Variants in SEC61A1 observed in about 807,000 individuals in gnomAD.
The protein encoded by SEC61A1 is protein transport protein Sec61 subunit alpha isoform 1.
In SEC61A1, 15 loss-of-function variants were observed where a neutral mutation model predicts 55.2. The observed-to-expected ratio is 0.27, with a 90% CI of 0.18 to 0.42. The LOEUF (loss-of-function observed/expected upper bound fraction) is 0.42. Among genes scored for constraint, SEC61A1 ranks in the 10% least tolerant of loss-of-function variants. The pLI, the probability that SEC61A1 is intolerant of heterozygous loss-of-function variation, is 1.00. For synonymous variants in SEC61A1, 247 were observed against 234.0 expected (o/e 1.06, Z -0.51); for missense variants, 284 against 602.6 (o/e 0.47, Z 5.53).
chr3:128,061,786 AG>A (rs1350219949), intron 7 of SEC61A1, among the ~76,000 whole-genome samples: 1 of 152,166 alleles, frequency 6.6e-6, no homozygotes, highest in Non-Finnish European at 1.5e-5. Flanking sequence ...GCATTGTAGG[AG>A]TTCAGGTATT....
At chr3:128,062,710 A>G (rs1023934907) in intron 7 of SEC61A1, among the ~76,000 whole-genome samples, 2 of 152,100 alleles carry the variant, frequency 1.3e-5, no homozygotes, top group Non-Finnish European at 2.9e-5. Flanking sequence ...ACGTGTTAGA[A>G]ACTTGGGAAC....
At chr3:128,062,224 G>C (rs529402064) in intron 7 of SEC61A1, among the ~76,000 whole-genome samples, 32 of 152,348 alleles carry the variant, frequency 2.1e-4, no homozygotes, top group African/African-American at 7.5e-4. Flanking sequence ...TTCAGGAAGG[G>C]CTGTGCCCCA....
chr3:128,060,756 AAAT>A, intron 7 of SEC61A1, 95 bp downstream of exon 7: 1 of 1,280,224 alleles, frequency 7.8e-7, no homozygotes, highest in Non-Finnish European at 1.1e-6. Flanking sequence ...TTCCACAGAA[AAAT>A]AATGTCAGTT....
Position 128,067,279 on chromosome 3 carries a change from A to G in SEC61A1, c.975+128A>G. 2 of 1,294,882 alleles carry G rather than the reference A, an allele frequency of 1.5e-6. No individual in the cohort carries two copies. The highest frequency in any genetic ancestry group is 2.3e-4 in the Middle Eastern group (1 of 4,352). The allele number at this position is 1,294,882 out of a possible 1,614,324, so 80.2% of individuals were successfully genotyped here. ...ATTGTGCCTTTTACAAATTCAGCACATTAAATTATCTTTTCAGTAAAAAAA... is the reference window on the plus strand; with the variant it reads ...ATTGTGCCTTTTACAAATTCAGCACGTTAAATTATCTTTTCAGTAAAAAAA... On this transcript the variant is annotated intron_variant, in intron 9 of 11. Transcript: ENST00000243253. The surrounding 1 kb of genome is among the most constrained non-coding windows in gnomAD (Gnocchi z 4.1).
At position 128,067,098 on chromosome 3, in the gene SEC61A1, C is replaced by A. The variant is rs755574380; in HGVS notation, c.922C>A (p.Leu308Ile). 6.2e-7 allele frequency: 1 copy of A among 1,614,216 alleles called. No individual in the cohort carries two copies. The highest frequency in any genetic ancestry group is 1.7e-5 in the Admixed American group (1 of 60,026). The change falls in exon 9 of 12, where the codon CTC becomes ATC. Residue 308 changes from leucine to isoleucine, a missense_variant. Coordinates refer to ENST00000243253, the MANE Select transcript of SEC61A1 (RefSeq NM_013336.4). This position sits in a 1 kb window ranked among gnomAD's most constrained non-coding sequence, Gnocchi z 4.1. The stretch of plus-strand genomic sequence containing the variant: ...CAACCTTTATGTCATCTCCCAAATG[C>A]TCTCAGCTCGCTTCAGTGGCAACTT... Reference protein sequence around the residue: ...VSNLYVISQMLSARFSGNLLV... With the variant: ...VSNLYVISQMISARFSGNLLV...
At chr3:128,068,125 G>T in intron 11 of SEC61A1, 66 bp downstream of exon 11, 1 of 1,283,580 alleles carries the variant, frequency 7.8e-7, no homozygotes, top group Non-Finnish European at 1.1e-6. Flanking sequence ...TCCATGCAGG[G>T]CATCCTGATA....
chr3:128,053,225 C>T (rs1459139195), intron 2 of SEC61A1, among the ~76,000 whole-genome samples: 1 of 152,186 alleles, frequency 6.6e-6, no homozygotes, highest in African/African-American at 2.4e-5. Context: ...GATTGAGTTA[C>T]CCTCCCTTTT....
Position 128,067,618 on chromosome 3 carries a change from T to C in SEC61A1, c.1167+6T>C, listed in dbSNP as rs749575368. On this transcript the variant is annotated splice_donor_region_variant and intron_variant, in intron 10 of 11. Coordinates refer to ENST00000243253, the MANE Select transcript of SEC61A1 (RefSeq NM_013336.4). This position sits in a 1 kb window ranked among gnomAD's most constrained non-coding sequence, Gnocchi z 4.1. ...CAGGTTCCTCTGCCAAAGATGTAAG[T>C]AGAAGCAAAACTTTCTGGAAGGGTG... is the stretch of plus-strand genomic sequence containing the variant. The C allele has an allele frequency of 1.1e-5, 18 of 1,604,356 alleles. No homozygotes were observed. The highest frequency in any genetic ancestry group is 1.4e-5 in the Non-Finnish European group (17 of 1,174,478).
chr3:128,067,954 C>T lies in SEC61A1; in HGVS notation c.1168-29C>T. 1 of 1,602,744 alleles carries T rather than the reference C, an allele frequency of 6.2e-7. No homozygotes were observed. Among genetic ancestry groups the T allele is most frequent in the Non-Finnish European group, 8.5e-7 (1 of 1,169,992 alleles). The stretch of plus-strand genomic sequence containing the variant: ...CCTATTTCCCCTTCAGCCTCCAATT[C>T]CAACTTCTCCCCTGTGGGCACCCTG... On this transcript the variant is annotated intron_variant, in intron 10 of 11. Coordinates refer to ENST00000243253, the MANE Select transcript of SEC61A1 (RefSeq NM_013336.4). The surrounding 1 kb of genome is among the most constrained non-coding windows in gnomAD (Gnocchi z 4.1).
chr3:128,053,489 G>A (rs955022091), intron 2 of SEC61A1, among the ~76,000 whole-genome samples: 1 of 152,166 alleles, frequency 6.6e-6, no homozygotes, highest in Non-Finnish European at 1.5e-5. Flanking sequence ...AGTGAGTGTT[G>A]CCAGTGTAAC....
At position 128,052,549 on chromosome 3, in the gene SEC61A1, C is replaced by T; in HGVS notation, c.-4C>T. The T allele has an allele frequency of 6.3e-7, 1 of 1,599,786 alleles. No homozygotes were observed. Among genetic ancestry groups the T allele is most frequent in the Non-Finnish European group, 8.5e-7 (1 of 1,174,120 alleles). On this transcript the variant is annotated 5_prime_UTR_variant, in exon 1 of 12. Transcript: ENST00000243253. ...CGGGACCCGGAGCCCGAGCAGCCGC[C>T]GCCATGGCAAGTGAGTCCTGTAGGG...
At chr3:128,052,092 G>C (rs1361296750), upstream of SEC61A1, among the ~76,000 whole-genome samples, 1 of 152,210 alleles carries the variant, frequency 6.6e-6, no homozygotes, top group Non-Finnish European at 1.5e-5. Context: ...CCGCCTGCCT[G>C]CAGGGCCACG....
chr3:128,066,155 C>T (rs182185853), intron 8 of SEC61A1, among the ~76,000 whole-genome samples: 1 of 152,194 alleles, frequency 6.6e-6, no homozygotes, highest in Non-Finnish European at 1.5e-5. Context: ...AAGTTGTATT[C>T]CTAGAAAAGT....
In SEC61A1 at chr3:128,063,863, G is replaced by A. The variant is rs1400432199; in HGVS notation, c.617-1014G>A. Among the ~76,000 whole-genome samples the A allele has an allele frequency of 2.6e-5, 4 of 152,264 alleles. No individual in the cohort carries two copies. In the East Asian group the frequency reaches 7.7e-4, roughly 29 times the overall value. ...TAACGTAAGTAAATTTCTTGCTGATGTCTAAAACTTAGGCCTTAATAATGC... is the reference window on the plus strand; with the variant it reads ...TAACGTAAGTAAATTTCTTGCTGATATCTAAAACTTAGGCCTTAATAATGC... On this transcript the variant is annotated intron_variant, in intron 7 of 11. Coordinates refer to ENST00000243253, the MANE Select transcript of SEC61A1 (RefSeq NM_013336.4).
intron 7 of SEC61A1, 97 bp from the exon 8 acceptor site, chr3:128,064,778 TAA>T (rs1446802805): frequency 8.4e-6 from 9 of 1,066,836 alleles, no homozygotes; most frequent in South Asian, 3.1e-5. Context: ...TCTAATAACT[TAA>T]GTTTGTTTTC....
rs1297007001 is a variant in SEC61A1 at position 128,056,066 on chromosome 3, A to G, written c.220+315A>G. Among the ~76,000 whole-genome samples the G allele has an allele frequency of 2.6e-5, 4 of 152,358 alleles. No homozygotes were observed. The East Asian group carries it at 7.7e-4, about 29-fold the overall frequency. On this transcript the variant is annotated intron_variant, in intron 4 of 11. Coordinates refer to ENST00000243253, the MANE Select transcript of SEC61A1 (RefSeq NM_013336.4). The stretch of plus-strand genomic sequence containing the variant: ...ACCTGAAATGATGACATTTCCATTG[A>G]TAACATTCTTCAGAATATGTAATTT...
chr3:128,055,620 A>T, intron 3 of SEC61A1, 39 bp downstream of exon 3: 1 of 1,609,014 alleles, frequency 6.2e-7, no homozygotes, highest in Non-Finnish European at 8.5e-7. Flanking sequence ...GGAGGGGGAT[A>T]AGAGTGGCTG....
chr3:128,060,530 T>A lies in SEC61A1; in HGVS notation c.485T>A (p.Val162Asp). ...TIQLFVAGLI[V>D]LLLDELLQKG... ...CAGCTCTTTGTTGCTGGCTTAATTG[T>A]CCTACTTTTGGATGAACTCCTGCAA... is the stretch of plus-strand genomic sequence containing the variant. Residue 162 changes from valine to aspartate, a missense_variant, in exon 7 of 12, where the codon GTC becomes GAC. By Grantham distance (152) the Val-to-Asp change is radical. Coordinates refer to ENST00000243253, the MANE Select transcript of SEC61A1 (RefSeq NM_013336.4). The A allele has an allele frequency of 6.2e-7, 1 of 1,614,210 alleles. No individual in the cohort carries two copies. Among genetic ancestry groups the A allele is most frequent in the Non-Finnish European group, 8.5e-7 (1 of 1,180,032 alleles).
intron 5 of SEC61A1, among the ~76,000 whole-genome samples, chr3:128,059,439 C>T (rs1576420584): frequency 6.6e-6 from 1 of 151,376 alleles, no homozygotes; most frequent in South Asian, 2.1e-4. Context: ...TGCCACCGTA[C>T]TCCAGCCTGG....
Sources: allele counts gnomAD v4.1 joint callset (sites outside exome capture counted in the v4.1 genomes callset), GRCh38; gene constraint gnomAD v4.1.1; non-coding constraint Gnocchi (gnomAD v3.1); transcripts MANE v1.5; gene names NCBI Gene and HGNC (gene_info 2026-07-23, HGNC 2026-07-21).